The following LYST variants were observed in gnomAD, a reference collection of about 807,000 sequenced individuals.
The protein encoded by LYST is lysosomal trafficking regulator.
LYST carries 192 observed loss-of-function variants against 413.6 expected under a neutral mutation model. The ratio of observed to expected loss-of-function variants is 0.46; its 90% CI spans 0.41 to 0.52. LYST has a LOEUF of 0.52. Ranked by LOEUF, LYST falls within the 20% of genes least tolerant of loss-of-function variation. LYST has a pLI of 0.00. For synonymous variants in LYST, 1,525 were observed against 1,567.3 expected, an observed-to-expected ratio of 0.97 and a Z score of 0.64; for missense variants, 3,815 against 4,499.9, an observed-to-expected ratio of 0.85 and a Z score of 4.35.
In LYST at chr1:235,753,335, T is replaced by G; in HGVS notation, c.7230-61A>C. On this transcript the variant is annotated intron_variant, in intron 25 of 52. Coordinates refer to ENST00000389793, the MANE Select transcript of LYST (RefSeq NM_000081.4). Reference sequence around the variant, plus strand: ...ACAATCACAAAATAAGAAAATATGATAGCAACTATGGGTCATCTTGCTAAC... The same window carrying G: ...ACAATCACAAAATAAGAAAATATGAGAGCAACTATGGGTCATCTTGCTAAC... 3 of 1,011,988 alleles carry G rather than the reference T, an allele frequency of 3.0e-6. No individual in the cohort carries two copies. In the Admixed American group the frequency reaches 5.2e-5, roughly 18 times the overall value. The allele number at this position is 1,011,988 out of a possible 1,614,324, so 62.7% of individuals were successfully genotyped here. A position where few individuals can be genotyped will look rare whatever the true frequency, so the allele number is the denominator to read the frequency against.
intron 45 of LYST, 78 bp downstream of exon 45, chr1:235,702,669 C>T: frequency 4.2e-6 from 5 of 1,182,228 alleles, no homozygotes. Context: ...CCATGCTATT[C>T]ATCACCTGGG....
Position 235,759,112 on chromosome 1 carries a change from C to T in LYST, c.6741G>A (p.Gly2247=). The T allele has an allele frequency of 1.2e-6, 2 of 1,614,178 alleles. No individual in the cohort carries two copies. The highest frequency in any genetic ancestry group is 1.7e-6 in the Non-Finnish European group (2 of 1,180,006). Residue 2247 remains glycine, a synonymous_variant, in exon 23 of 53, where the codon GGG becomes GGA. Coordinates refer to ENST00000389793, the MANE Select transcript of LYST (RefSeq NM_000081.4). ...ATCCGTTCTGTGAAGGAAAAGCTAGCCCAAGGCTTGCAATAGTGCTGTGGC... is the reference window on the plus strand; with the variant it reads ...ATCCGTTCTGTGAAGGAAAAGCTAGTCCAAGGCTTGCAATAGTGCTGTGGC... ...QRSHSTIASL[G]LAFPSQNGSA...
chr1:235,759,380 T>C lies in LYST; in HGVS notation c.6473A>G (p.Lys2158Arg). 6.2e-7 allele frequency: 1 copy of C among 1,614,194 alleles called. No individual in the cohort carries two copies. Among genetic ancestry groups the C allele is most frequent in the East Asian group, 2.2e-5 (1 of 44,884 alleles). Residue 2158 changes from lysine (K) to arginine (R), a missense_variant, in exon 23 of 53, where the codon AAA (lysine) becomes AGA (arginine). Transcript: ENST00000389793. ...NSLGSSDTLK[K>R]GKEDAFISSC... ...ACTGATGAATGCGTCCTCTTTGCCT[T>C]TTTTCAGTGTGTCGGAACTCCCCAA...
At chr1:235,853,493 T>TAA (rs61496977) in intron 1 of LYST, among the ~76,000 whole-genome samples, 200 of 145,030 alleles carry the variant, frequency 1.4e-3, no homozygotes, top group African/African-American at 4.8e-3. Context: ...TAAAGAAAAC[T>TAA]AAAAAAAAAA....
intron 10 of LYST, among the ~76,000 whole-genome samples, chr1:235,797,910 T>C (rs1671729728): frequency 6.6e-6 from 1 of 152,096 alleles, no homozygotes; most frequent in Admixed American, 6.6e-5. Flanking sequence ...TATAGAGAAC[T>C]CTTAAACCTC....
At chr1:235,738,664 T>C (rs879052933) in intron 31 of LYST, 2 of 1,607,222 alleles carry the variant, frequency 1.2e-6, no homozygotes, top group Non-Finnish European at 1.7e-6. Context: ...GGGACTGACA[T>C]AGATAAGGAA....
At chr1:235,690,788 G>A (rs1432151145) in intron 47 of LYST, among the ~76,000 whole-genome samples, 1 of 152,158 alleles carries the variant, frequency 6.6e-6, no homozygotes, top group Non-Finnish European at 1.5e-5. Context: ...GAAATCAGAG[G>A]ATGAATGGTA....
At chr1:235,801,208 TA>T in intron 8 of LYST, 111 bp from the exon 9 acceptor site, 1 of 742,812 alleles carries the variant, frequency 1.3e-6, no homozygotes, top group South Asian at 1.5e-5. Context: ...AGAGGATGCT[TA>T]CAAAACCTTT....
At chr1:235,783,554 C>T (rs1048384532) in intron 14 of LYST, among the ~76,000 whole-genome samples, 20 of 151,892 alleles carry the variant, frequency 1.3e-4, no homozygotes, top group Non-Finnish European at 1.6e-4. Context: ...ACCTAGATGA[C>T]GGGTTGATGG....
At chr1:235,702,056 G>A (rs374248885) in intron 45 of LYST, among the ~76,000 whole-genome samples, 8 of 151,912 alleles carry the variant, frequency 5.3e-5, no homozygotes, top group Middle Eastern at 3.2e-3. Flanking sequence ...CCTTTACAAC[G>A]TCTTTCCCTT....
chr1:235,802,156 T>G (rs1672302886), intron 8 of LYST, among the ~76,000 whole-genome samples: 2 of 128,880 alleles, frequency 1.6e-5, no homozygotes, highest in East Asian at 4.4e-4. Context: ...ATCACGCCAC[T>G]GCACTCTAGC....
chr1:235,822,083 TA>T (rs1157424794), intron 3 of LYST, among the ~76,000 whole-genome samples: 17 of 152,124 alleles, frequency 1.1e-4, no homozygotes, highest in Non-Finnish European at 2.2e-4. Flanking sequence ...AGTTGGTTAT[TA>T]AAAAATACTA....
intron 12 of LYST, among the ~76,000 whole-genome samples, chr1:235,791,415 G>C (rs1372944794): frequency 6.6e-6 from 1 of 152,154 alleles, no homozygotes; most frequent in Non-Finnish European, 1.5e-5. Flanking sequence ...ATGGGACCAG[G>C]AGAGAAGTCA....
At chr1:235,741,260 G>A (rs1383792960) in intron 31 of LYST, among the ~76,000 whole-genome samples, 162 bp downstream of exon 31, 3 of 152,190 alleles carry the variant, frequency 2.0e-5, no homozygotes, top group Non-Finnish European at 4.4e-5. Flanking sequence ...AATTGAGCCT[G>A]TGTGAAAGCA....
intron 25 of LYST, among the ~76,000 whole-genome samples, chr1:235,755,069 A>G (rs1280932814): frequency 8.6e-6 from 1 of 116,000 alleles, no homozygotes; most frequent in African/African-American, 3.6e-5. Context: ...TGACAGAGTG[A>G]GACATTGTCT....
In LYST at chr1:235,733,680, C is replaced by T. The variant is rs200353560; in HGVS notation, c.8624G>A (p.Arg2875His). 103 of 1,612,738 alleles carry T rather than the reference C, an allele frequency of 6.4e-5. 1 individual carries two copies. In the East Asian group the frequency reaches 1.3e-3, roughly 21 times the overall value. ...VNNNQQSLFQ[R>H]LDSKSKDISK... is the part of the protein sequence containing the mutation. ...TATATCCTTTGATTTTGAATCCAGA[C>T]GCTGAAAGAGACTAAACAAATAATA... Residue 2875 changes from arginine to histidine, a missense_variant, in exon 34 of 53, where the codon CGT becomes CAT. By Grantham distance (29) the Arg-to-His change is conservative (BLOSUM62 0). Around this residue, in one of 4 missense-constraint regions of LYST, gnomAD observed 866 missense variants for 1,156.0 expected, o/e 0.75. Coordinates refer to ENST00000389793, the MANE Select transcript of LYST (RefSeq NM_000081.4).
chr1:235,806,854 C>A, intron 5 of LYST, 82 bp from the exon 6 acceptor site: 1 of 908,214 alleles, frequency 1.1e-6, no homozygotes, highest in South Asian at 1.5e-5. Context: ...TTTAATATAT[C>A]GCTATTGCAT....
intron 3 of LYST, chr1:235,827,508 C>A (rs1675460627): frequency 3.1e-6 from 3 of 979,558 alleles, no homozygotes; most frequent in Admixed American, 6.2e-5. Context: ...CTAAAACATA[C>A]AACTATGTGT....
At chr1:235,757,154 A>G in intron 24 of LYST, 127 bp downstream of exon 24, 2 of 638,202 alleles carry the variant, frequency 3.1e-6, no homozygotes, top group Admixed American at 3.1e-5. Context: ...AACAAACTAT[A>G]TTAGTTCATT....
Sources: allele counts gnomAD v4.1 joint callset (sites outside exome capture counted in the v4.1 genomes callset), GRCh38; gene constraint gnomAD v4.1.1; regional missense constraint gnomAD v4.1.1; transcripts MANE v1.5; gene names NCBI Gene and HGNC (gene_info 2026-07-23, HGNC 2026-07-21).